NECTIN3: variants seen among roughly 807,000 people sequenced by gnomAD.
NECTIN3 encodes the protein nectin cell adhesion molecule 3.
A neutral mutation model predicts 49.4 loss-of-function variants in NECTIN3; 8 were observed. The ratio of observed to expected loss-of-function variants is 0.16; its 90% CI spans 0.10 to 0.29. The LOEUF (loss-of-function observed/expected upper bound fraction) is 0.29. NECTIN3 is among the 10% of genes least tolerant of loss of function. The probability of loss-of-function intolerance (pLI) is 1.00; values close to 1 mark genes in which losing one functional copy is unlikely to be tolerated. For missense variants in NECTIN3, 581 were observed against 654.6 expected, an observed-to-expected ratio of 0.89 and a Z score of 1.23; for synonymous variants, 277 against 241.1, an observed-to-expected ratio of 1.15 and a Z score of -1.38.
Position 111,134,421 on chromosome 3 carries a change from A to G in NECTIN3, c.*206A>G. ...CTTTACAATTTTTTTTCAATGCTGT[A>G]CTACTGTCTCAAGATTTAAATTTTA... On this transcript the variant is annotated 3_prime_UTR_variant, in exon 6 of 6. Transcript: ENST00000485303. 3.2e-6 allele frequency: 4 copies of G among 1,268,302 alleles called. No homozygotes were observed. The South Asian group carries it at 1.0e-4, about 32-fold the overall frequency. The allele number at this position is 1,268,302 out of a possible 1,614,324, so 78.6% of individuals were successfully genotyped here.
At position 111,135,910 on chromosome 3, in the gene NECTIN3, G is replaced by A; in HGVS notation, c.*1695G>A. 2.4e-6 allele frequency: 2 copies of A among 822,990 alleles called. No homozygotes were observed. Among genetic ancestry groups the A allele is most frequent in the Non-Finnish European group, 2.8e-6 (2 of 726,350 alleles). The allele number at this position is 822,990 out of a possible 1,614,324, so 51.0% of individuals were successfully genotyped here. On this transcript the variant is annotated 3_prime_UTR_variant, in exon 6 of 6. Coordinates refer to ENST00000485303, the MANE Select transcript of NECTIN3 (RefSeq NM_015480.3). ...ACTTATTATAAGGCTGTAGTATCAG[G>A]TTAAGGATACAGATAAATAAAGTTC...
chr3:111,094,347 A>G lies in NECTIN3; in HGVS notation c.161-17683A>G, dbSNP rs555254931. Among the ~76,000 whole-genome samples, 18 of 152,368 alleles carry G rather than the reference A, an allele frequency of 1.2e-4. No homozygotes were observed. The South Asian group carries it at 3.3e-3, about 28-fold the overall frequency. ...TGTGTGCATACATGAAAATGGAAAT[A>G]TAAGTGGATAATGTTTAAGGTACTC... On this transcript the variant is annotated intron_variant, in intron 1 of 5. Transcript: ENST00000485303.
chr3:111,112,350 T>C lies in NECTIN3; in HGVS notation c.481T>C (p.Ser161Pro), dbSNP rs2033507460. ...VTFPLGNAQS[S>P]TTVTVLVEPT... Reference sequence around the variant, plus strand: ...ATTCCCGCTTGGAAATGCCCAGTCCTCTACAACTGTAACTGTGTTAGGTAG... The same window carrying C: ...ATTCCCGCTTGGAAATGCCCAGTCCCCTACAACTGTAACTGTGTTAGGTAG... Residue 161 changes from serine to proline, a missense_variant, in exon 2 of 6, where the codon TCT becomes CCT. Around this residue, in one of 3 missense-constraint regions of NECTIN3, gnomAD observed 234 missense variants for 340.6 expected, o/e 0.69. Transcript: ENST00000485303. The C allele has an allele frequency of 1.2e-6, 2 of 1,604,856 alleles. No homozygotes were observed. Among genetic ancestry groups the C allele is most frequent in the Non-Finnish European group, 1.7e-6 (2 of 1,173,460 alleles).
chr3:111,120,439 A>G (rs545409224), intron 3 of NECTIN3, among the ~76,000 whole-genome samples: 2 of 152,278 alleles, frequency 1.3e-5, no homozygotes, highest in East Asian at 1.9e-4. Context: ...TTATACCTCA[A>G]TATTTAGAGA....
chr3:111,133,931 G>C lies in NECTIN3; in HGVS notation c.1366G>C (p.Asp456His). The change falls in exon 6 of 6, where the codon GAT becomes CAT. Residue 456 changes from aspartate (D) to histidine (H), a missense_variant. Asp to His is a moderately conservative substitution (Grantham distance 81, BLOSUM62 -1). Coordinates refer to ENST00000485303, the MANE Select transcript of NECTIN3 (RefSeq NM_015480.3). The part of the protein sequence containing the change: ...PSDMQKESQI[D>H]VLQQDELDSY... ...AGATATGCAAAAAGAATCACAAATA[G>C]ATGTTCTTCAACAAGATGAGCTTGA... The C allele has an allele frequency of 6.2e-7, 1 of 1,613,810 alleles. No individual in the cohort carries two copies. The highest frequency in any genetic ancestry group is 8.5e-7 in the Non-Finnish European group (1 of 1,179,846).
At chr3:111,153,060 A>C (rs6437953) in intron 7 of NECTIN3, among the ~76,000 whole-genome samples, 39,009 of 151,828 alleles carry the variant, frequency 0.26, 9,650 homozygotes, top group African/African-American at 0.65. Context: ...AATATGATAG[A>C]AGAGTTAACA....
intron 7 of NECTIN3, among the ~76,000 whole-genome samples, chr3:111,166,848 T>A (rs1357650333): frequency 6.6e-6 from 1 of 152,228 alleles, no homozygotes; most frequent in African/African-American, 2.4e-5. Context: ...ACTATGTATA[T>A]GTGAATACAT....
chr3:111,118,001 G>T (rs2033761318), intron 2 of NECTIN3, among the ~76,000 whole-genome samples: 1 of 151,688 alleles, frequency 6.6e-6, no homozygotes, highest in African/African-American at 2.4e-5. Flanking sequence ...GTAAATAAAA[G>T]TAATTGAACA....
chr3:111,085,156 G>T (rs763995526), intron 1 of NECTIN3, among the ~76,000 whole-genome samples: 8 of 152,192 alleles, frequency 5.3e-5, no homozygotes, highest in Non-Finnish European at 1.0e-4. Context: ...CCCCACTCAG[G>T]TATGACCACA....
At chr3:111,168,489 T>C (rs910850977) in intron 7 of NECTIN3, among the ~76,000 whole-genome samples, 10 of 152,088 alleles carry the variant, frequency 6.6e-5, no homozygotes, top group Non-Finnish European at 1.3e-4. Context: ...TATACACACA[T>C]ATATATATAA....
chr3:111,116,879 A>G (rs947803480), intron 2 of NECTIN3, among the ~76,000 whole-genome samples: 17 of 152,070 alleles, frequency 1.1e-4, no homozygotes, highest in Non-Finnish European at 1.8e-4. Flanking sequence ...TGGTGAGTAT[A>G]TGGACCAGCA....
chr3:111,186,282 G>A (rs1270372504), intron 7 of NECTIN3, among the ~76,000 whole-genome samples: 2 of 151,928 alleles, frequency 1.3e-5, no homozygotes, highest in Non-Finnish European at 2.9e-5. Flanking sequence ...AAAGCTAGAG[G>A]CATCATGTTA....
At chr3:111,193,532 CA>C in intron 1 of NECTIN3, 4 of 874,414 alleles carry the variant, frequency 4.6e-6, no homozygotes, top group Non-Finnish European at 6.6e-6. Flanking sequence ...AAGCCAATAG[CA>C]AATTTCTTTT....
At chr3:111,088,830 T>C (rs1400768821) in intron 1 of NECTIN3, among the ~76,000 whole-genome samples, 1 of 152,222 alleles carries the variant, frequency 6.6e-6, no homozygotes, top group Non-Finnish European at 1.5e-5. Flanking sequence ...GTCAAGGCTG[T>C]GCTGGACTCA....
intron 5 of NECTIN3, among the ~76,000 whole-genome samples, chr3:111,127,592 C>T (rs2034218147): frequency 6.7e-6 from 1 of 150,330 alleles, no homozygotes; most frequent in Non-Finnish European, 1.5e-5. Flanking sequence ...GACGTGGTCT[C>T]GCTGTGTCAC....
At chr3:111,148,861 G>A (rs151307116) in intron 7 of NECTIN3, among the ~76,000 whole-genome samples, 5 of 151,926 alleles carry the variant, frequency 3.3e-5, no homozygotes, top group African/African-American at 1.2e-4. Context: ...ACGTTTTTAT[G>A]TAGTAAAAAT....
At position 111,137,432 on chromosome 3, in the gene NECTIN3, TTTGG is replaced by T; in HGVS notation, c.*3219_*3222del. 1.1e-6 allele frequency: 1 copy of T among 951,510 alleles called. No homozygotes were observed. Among genetic ancestry groups the T allele is most frequent in the South Asian group, 4.9e-5 (1 of 20,530 alleles). 58.9% of individuals were successfully genotyped at this position (951,510 alleles called of 1,614,324 possible). A position where few individuals can be genotyped will look rare whatever the true frequency, so the allele number is the denominator to read the frequency against. The stretch of plus-strand genomic sequence containing the variant: ...CGCGCTAAGTTTTGGTTTTGTTGTG[TTTGG>T]TGTTTTTTGTTTTGTTTTGTTTTGT... On this transcript the variant is annotated 3_prime_UTR_variant, in exon 6 of 6. Transcript: ENST00000485303.
chr3:111,160,069 A>G (rs1251038504), intron 7 of NECTIN3, among the ~76,000 whole-genome samples: 3 of 152,114 alleles, frequency 2.0e-5, no homozygotes, highest in Non-Finnish European at 2.9e-5. Flanking sequence ...TGGTCCCTCT[A>G]TTTCATTGAA....
At chr3:111,191,890 G>A (rs890883696), upstream of NECTIN3, among the ~76,000 whole-genome samples, 1 of 152,148 alleles carries the variant, frequency 6.6e-6, no homozygotes, top group Non-Finnish European at 1.5e-5. Flanking sequence ...AGAGTACAGT[G>A]GTACAATCAT....
Sources: allele counts gnomAD v4.1 joint callset (sites outside exome capture counted in the v4.1 genomes callset), GRCh38; gene constraint gnomAD v4.1.1; regional missense constraint gnomAD v4.1.1; transcripts MANE v1.5; gene names NCBI Gene and HGNC (gene_info 2026-07-23, HGNC 2026-07-21).